C8orf34: variants seen among roughly 807,000 people sequenced by gnomAD.
C8orf34 encodes the protein chromosome 8 open reading frame 34.
In C8orf34, 65 loss-of-function variants were observed where a neutral mutation model predicts 68.3. That is an observed-to-expected ratio of 0.95 (90% CI 0.78 to 1.17). The LOEUF (loss-of-function observed/expected upper bound fraction) is 1.17, where lower values mean the gene tolerates loss of function less well. C8orf34 is among the 50% of genes most tolerant of loss of function. The pLI, the probability that C8orf34 is intolerant of heterozygous loss-of-function variation, is 0.00. For missense variants in C8orf34, 664 were observed against 655.4 expected (o/e 1.01, Z -0.14); for synonymous variants, 244 against 241.2 (o/e 1.01, Z -0.11).
intron 7 of C8orf34, among the ~76,000 whole-genome samples, chr8:68,627,645 G>T (rs1818574808): frequency 1.3e-5 from 2 of 152,172 alleles, no homozygotes; most frequent in African/African-American, 4.8e-5. Context: ...TTTGGGGAGT[G>T]TTTGGATTTG....
chr8:68,558,985 C>T (rs150605889), intron 7 of C8orf34, among the ~76,000 whole-genome samples: 38 of 152,238 alleles, frequency 2.5e-4, no homozygotes, highest in African/African-American at 9.1e-4. Flanking sequence ...TCACAGAAGG[C>T]ATCACAGAAG....
chr8:68,623,261 T>C (rs1353180601), intron 7 of C8orf34, among the ~76,000 whole-genome samples: 1 of 152,210 alleles, frequency 6.6e-6, no homozygotes, highest in Non-Finnish European at 1.5e-5. Context: ...TGTATTTTAT[T>C]CGTATATAGT....
chr8:68,492,018 C>T (rs1247886908), intron 5 of C8orf34, among the ~76,000 whole-genome samples: 1 of 152,182 alleles, frequency 6.6e-6, no homozygotes, highest in African/African-American at 2.4e-5. Context: ...CTTCTTTCCT[C>T]ATCTTCTCCT....
chr8:68,678,348 T>C (rs1820256938), intron 8 of C8orf34, among the ~76,000 whole-genome samples: 1 of 152,158 alleles, frequency 6.6e-6, no homozygotes, highest in Non-Finnish European at 1.5e-5. Flanking sequence ...AACAATGTGA[T>C]AGCAAAACTT....
chr8:68,814,492 C>T (rs531860804), intron 12 of C8orf34, among the ~76,000 whole-genome samples: 1 of 152,320 alleles, frequency 6.6e-6, no homozygotes, highest in African/African-American at 2.4e-5. Context: ...AGTTCTCCAG[C>T]TGTATCCAGC....
intron 7 of C8orf34, among the ~76,000 whole-genome samples, chr8:68,543,681 C>A (rs137911753): frequency 2.6e-5 from 4 of 152,074 alleles, no homozygotes; most frequent in African/African-American, 7.2e-5. Flanking sequence ...CTATGCAACA[C>A]GTAAACATTA....
intron 5 of C8orf34, among the ~76,000 whole-genome samples, chr8:68,518,283 C>G (rs1234617662): frequency 6.6e-6 from 1 of 152,164 alleles, no homozygotes; most frequent in Non-Finnish European, 1.5e-5. Flanking sequence ...TGAGCTTCAG[C>G]TTCCTCTTCT....
intron 7 of C8orf34, among the ~76,000 whole-genome samples, chr8:68,547,194 G>T (rs1332896381): frequency 6.6e-6 from 1 of 151,538 alleles, no homozygotes; most frequent in Non-Finnish European, 1.5e-5. Flanking sequence ...ATGAAAGACG[G>T]GAACTGATTT....
intron 7 of C8orf34, among the ~76,000 whole-genome samples, chr8:68,562,270 T>C (rs146112485): frequency 2.4e-3 from 363 of 152,270 alleles, no homozygotes; most frequent in African/African-American, 7.8e-3. Flanking sequence ...GTATATGTGG[T>C]CCCTCATTGA....
intron 8 of C8orf34, among the ~76,000 whole-genome samples, chr8:68,690,532 A>G (rs1820656779): frequency 6.6e-6 from 1 of 151,994 alleles, no homozygotes; most frequent in Non-Finnish European, 1.5e-5. Flanking sequence ...CCCATTTGTC[A>G]TAGACAGCTT....
chr8:68,478,443 C>T lies in C8orf34; in HGVS notation c.737-9580C>T, dbSNP rs1005873991. On this transcript the variant is annotated intron_variant, in intron 4 of 13. Coordinates refer to ENST00000518698, the MANE Select transcript of C8orf34 (RefSeq NM_052958.4). ...TCCAAACTTTCCCACATCTTCCTAT[C>T]TTCTTCTGAGCCCTCCAAACTGTTC... Among the ~76,000 whole-genome samples the T allele has an allele frequency of 2.0e-5, 3 of 152,312 alleles. No individual in the cohort carries two copies. The South Asian group carries it at 6.2e-4, about 32-fold the overall frequency.
At chr8:68,470,578 G>C (rs1812337814) in intron 4 of C8orf34, among the ~76,000 whole-genome samples, 1 of 152,072 alleles carries the variant, frequency 6.6e-6, no homozygotes, top group Admixed American at 6.6e-5. Flanking sequence ...GTCTTACCCT[G>C]TTTGGGCTGC....
At chr8:68,547,495 A>G (rs193025985) in intron 7 of C8orf34, among the ~76,000 whole-genome samples, 2 of 151,908 alleles carry the variant, frequency 1.3e-5, no homozygotes, top group Admixed American at 6.6e-5. Flanking sequence ...TCTTTCAGAA[A>G]ATAGAACAGA....
intron 7 of C8orf34, among the ~76,000 whole-genome samples, chr8:68,605,280 C>T (rs1415294819): frequency 6.6e-6 from 1 of 152,124 alleles, no homozygotes; most frequent in Non-Finnish European, 1.5e-5. Flanking sequence ...ATAGTACAGT[C>T]ACTTTGGAAA....
chr8:68,677,323 G>T, intron 8 of C8orf34, among the ~76,000 whole-genome samples: 1 of 152,042 alleles, frequency 6.6e-6, no homozygotes, highest in Non-Finnish European at 1.5e-5. Flanking sequence ...CATCAAAAAA[G>T]TAGAAAAACT....
chr8:68,331,922 G>A (rs534537357), intron 1 of C8orf34, among the ~76,000 whole-genome samples: 1 of 149,606 alleles, frequency 6.7e-6, no homozygotes, highest in South Asian at 2.2e-4. Context: ...CGGTGCGGGC[G>A]TGATGAATGA....
intron 8 of C8orf34, among the ~76,000 whole-genome samples, chr8:68,690,025 A>G (rs1820639500): frequency 6.6e-6 from 1 of 152,042 alleles, no homozygotes. Flanking sequence ...AATTTGACAC[A>G]TTTTCCAAAT....
intron 2 of C8orf34, 84 bp downstream of exon 2, chr8:68,439,730 A>G (rs1359848107): frequency 1.4e-5 from 18 of 1,317,104 alleles, no homozygotes; most frequent in Non-Finnish European, 1.9e-5. Context: ...AATAAGATAA[A>G]TCTAGATAGA....
intron 5 of C8orf34, among the ~76,000 whole-genome samples, chr8:68,509,914 A>G (rs1814191044): frequency 1.3e-5 from 2 of 151,950 alleles, no homozygotes; most frequent in African/African-American, 4.8e-5. Flanking sequence ...ATCCACATAC[A>G]TCCTATCTCC....
Sources: allele counts gnomAD v4.1 joint callset (sites outside exome capture counted in the v4.1 genomes callset), GRCh38; gene constraint gnomAD v4.1.1; transcripts MANE v1.5; gene names NCBI Gene and HGNC (gene_info 2026-07-23, HGNC 2026-07-21).